C11orf71: variants seen among roughly 807,000 people sequenced by gnomAD.
C11orf71 encodes the protein uncharacterized protein C11orf71.
For missense variants in C11orf71, 179 were observed against 167.6 expected (o/e 1.07, Z -0.38); for synonymous variants, 72 against 73.4 (o/e 0.98, Z 0.09).
In C11orf71 at chr11:114,392,547, A is replaced by G. The variant is rs866542817; in HGVS notation, c.344-882T>C. On this transcript the variant is annotated intron_variant, in intron 1 of 1. Coordinates refer to the C11orf71 transcript ENST00000325636. ...AATGAGACAAAAAAAAAAAAAAAAA[A>G]AAAGAAGAAGAAGAAGAAGAAAAAA... 7.3e-3 allele frequency among the ~76,000 whole-genome samples: 1,053 copies of G among 145,176 alleles called. 23 individuals are homozygous for G. Among genetic ancestry groups the G allele is most frequent in the African/African-American group, 0.022 (882 of 39,942 alleles).
At chr11:114,394,667 C>CA (rs1460276417), downstream of C11orf71, among the ~76,000 whole-genome samples, 1 of 152,016 alleles carries the variant, frequency 6.6e-6, no homozygotes, top group Non-Finnish European at 1.5e-5. Flanking sequence ...CTCGGCCTCC[C>CA]AAAGTGCTGG....
At chr11:114,392,548 A>AAAAAAAAAAAG (rs1461395379) in intron 1 of C11orf71, among the ~76,000 whole-genome samples, 1 of 124,852 alleles carries the variant, frequency 8.0e-6, no homozygotes, top group African/African-American at 2.9e-5. Flanking sequence ...AAAAAAAAAA[A>AAAAAAAAAAAG]AAGAAGAAGA....
At chr11:114,394,228 C>CTTTTCTTTCCTTTCCTTTCCTTTCT, downstream of C11orf71, among the ~76,000 whole-genome samples, 12 of 48,696 alleles carry the variant, frequency 2.5e-4, no homozygotes, top group Non-Finnish European at 4.0e-4. Flanking sequence ...CTTTTCTTTT[C>CTTTTCTTTCCTTTCCTTTCCTTTCT]TTTCTTTTCT....
chr11:114,400,083 C>A lies in C11orf71; in HGVS notation c.249G>T (p.Arg83=). ...RSPREPDGRG[R]SRQARFSPYP... is the part of the protein sequence containing the mutation. ...AAGGTGAGAATCTGGCTTGGCGGCTCCGGCCCCGGCCATCTGGTTCCCTTG... is the reference window on the plus strand; with the variant it reads ...AAGGTGAGAATCTGGCTTGGCGGCTACGGCCCCGGCCATCTGGTTCCCTTG... The change falls in exon 1 of 1, where the codon CGG becomes CGT. Residue 83 remains arginine (R), a synonymous_variant. Transcript: ENST00000623205. The A allele has an allele frequency of 6.2e-7, 1 of 1,613,890 alleles. No homozygotes were observed. The highest frequency in any genetic ancestry group is 8.5e-7 in the Non-Finnish European group (1 of 1,179,890).
downstream of C11orf71, among the ~76,000 whole-genome samples, chr11:114,394,946 G>A (rs35165556): frequency 0.13 from 18,740 of 149,882 alleles, 1,566 homozygotes; most frequent in South Asian, 0.25. Flanking sequence ...CAGGCAACTA[G>A]ATAATTGCAG....
At chr11:114,392,529 C>CA (rs386374967) in intron 1 of C11orf71, among the ~76,000 whole-genome samples, 13,701 of 51,716 alleles carry the variant, frequency 0.26, 1,800 homozygotes, top group Middle Eastern at 0.42. Flanking sequence ...TAGAATGAGA[C>CA]AAAAAAAAAA....
downstream of C11orf71, among the ~76,000 whole-genome samples, chr11:114,394,242 CT>C (rs768188409): frequency 0.061 from 3,578 of 58,252 alleles, 327 homozygotes; most frequent in African/African-American, 0.24. Flanking sequence ...CTTTTCTTTT[CT>C]TTTCTTTTCT....
At chr11:114,392,529 CA>C (rs386374967) in intron 1 of C11orf71, among the ~76,000 whole-genome samples, 2,210 of 51,630 alleles carry the variant, frequency 0.043, 9 homozygotes, top group Non-Finnish European at 0.059. Context: ...TAGAATGAGA[CA>C]AAAAAAAAAA....
chr11:114,394,121 A>C (rs746503308), downstream of C11orf71, among the ~76,000 whole-genome samples: 4 of 151,646 alleles, frequency 2.6e-5, no homozygotes, highest in Non-Finnish European at 5.9e-5. Context: ...CTGGGACTAC[A>C]GGCGCCCATC....
At chr11:114,393,509 A>C (rs1946088698) in intron 1 of C11orf71, among the ~76,000 whole-genome samples, 1 of 152,238 alleles carries the variant, frequency 6.6e-6, no homozygotes, top group African/African-American at 2.4e-5. Flanking sequence ...GAATATGTTC[A>C]ATTAAAATCA....
rs115765413 is a variant in C11orf71 at position 114,393,494 on chromosome 11, A to G, written c.344-1829T>C. 2.4e-3 allele frequency among the ~76,000 whole-genome samples: 368 copies of G among 152,366 alleles called. 3 individuals carry two copies. Among genetic ancestry groups the G allele is most frequent in the African/African-American group, 8.6e-3 (356 of 41,580 alleles). On this transcript the variant is annotated intron_variant, in intron 1 of 1. Coordinates refer to the C11orf71 transcript ENST00000325636. ...ATAGAATTTTATAAATGCCTTCCCA[A>G]TGATGAATATGTTCAATTAAAATCA...
At chr11:114,392,394 C>T (rs968873854) in intron 1 of C11orf71, among the ~76,000 whole-genome samples, 1 of 151,762 alleles carries the variant, frequency 6.6e-6, no homozygotes, top group African/African-American at 2.4e-5. Context: ...GGAAATTAGC[C>T]AGGCTTGGTG....
Position 114,399,766 on chromosome 11 carries a change from T to C in C11orf71, c.*194A>G. ...CACACCTTTCCTGATCCAATCGTTC[T>C]GGCTGCATAAAACCACCTAAATCAA... On this transcript the variant is annotated 3_prime_UTR_variant, in exon 1 of 1. Transcript: ENST00000623205. 1 of 842,984 alleles carries C rather than the reference T, an allele frequency of 1.2e-6. No individual in the cohort carries two copies. The highest frequency in any genetic ancestry group is 2.8e-5 in the East Asian group (1 of 36,050). The allele number at this position is 842,984 out of a possible 1,614,324, so 52.2% of individuals were successfully genotyped here. A position where few individuals can be genotyped will look rare whatever the true frequency, so the allele number is the denominator to read the frequency against.
intron 1 of C11orf71, among the ~76,000 whole-genome samples, chr11:114,393,430 A>C (rs568365176): frequency 1.3e-5 from 2 of 152,376 alleles, no homozygotes; most frequent in East Asian, 3.9e-4. Flanking sequence ...TTTGCAATGT[A>C]ATGACAGGCT....
chr11:114,397,341 T>TA (rs760211837), downstream of C11orf71, among the ~76,000 whole-genome samples: 24 of 152,200 alleles, frequency 1.6e-4, 1 homozygote, highest in Non-Finnish European at 3.1e-4. Context: ...TTGGGAAACT[T>TA]AGTTGTCCCT....
At chr11:114,394,213 C>CTTTCTT, downstream of C11orf71, among the ~76,000 whole-genome samples, 1 of 53,968 alleles carries the variant, frequency 1.9e-5, no homozygotes, top group Middle Eastern at 6.7e-3. Context: ...CTTTTCTTTT[C>CTTTCTT]TTTTCTTTTC....
chr11:114,399,994 A>G lies in C11orf71; in HGVS notation c.338T>C (p.Leu113Ser), dbSNP rs770708891. 1 of 1,612,268 alleles carries G rather than the reference A, an allele frequency of 6.2e-7. No individual in the cohort carries two copies. Among genetic ancestry groups the G allele is most frequent in the Non-Finnish European group, 8.5e-7 (1 of 1,178,442 alleles). ...RSVLQQRLIA[L>S]GGVIAARISV ...AATTCGAGCTGCGATAACACCTCCT[A>G]ATGCAATCAAACGCTGTTGCAGCAC... Residue 113 changes from leucine (L) to serine (S), a missense_variant, in exon 1 of 1, where the codon TTA (leucine) becomes TCA (serine). Transcript: ENST00000623205.
Position 114,399,879 on chromosome 11 carries a change from A to G in C11orf71, c.*81T>C. 6.8e-7 allele frequency: 1 copy of G among 1,468,342 alleles called. No homozygotes were observed. 91.0% of individuals were successfully genotyped at this position (1,468,342 alleles called of 1,614,324 possible). On this transcript the variant is annotated 3_prime_UTR_variant, in exon 1 of 1. Coordinates refer to ENST00000623205, the MANE Select transcript of C11orf71 (RefSeq NM_001271562.2). ...AATACATCCATCTAAAAATAAAACA[A>G]CACGATTGCTGCTACACCAAGAAAG...
chr11:114,400,242 C>A lies in C11orf71; in HGVS notation c.90G>T (p.Ala30=). ...CTCCGGAGACCATCGCCAACGCTGA[C>A]GCCCGCGGTCTGAGGTCGCCATGGG... ...RSSHGDLRPR[A]SALAMVSGDG... The change falls in exon 1 of 1, where the codon GCG becomes GCT. Residue 30 remains alanine (A), a synonymous_variant. Coordinates refer to ENST00000623205, the MANE Select transcript of C11orf71 (RefSeq NM_001271562.2). 1 of 1,611,444 alleles carries A rather than the reference C, an allele frequency of 6.2e-7. No individual in the cohort carries two copies. Among genetic ancestry groups the A allele is most frequent in the African/African-American group, 1.3e-5 (1 of 75,006 alleles).
Sources: allele counts gnomAD v4.1 joint callset (sites outside exome capture counted in the v4.1 genomes callset), GRCh38; gene constraint gnomAD v4.1.1; transcripts MANE v1.5; gene names NCBI Gene and HGNC (gene_info 2026-07-23, HGNC 2026-07-21).